The following SIPA1L2 variants were observed in gnomAD, a reference collection of about 807,000 sequenced individuals.
SIPA1L2 encodes the protein signal induced proliferation associated 1 like 2.
In SIPA1L2, 56 loss-of-function variants were observed where a neutral mutation model predicts 163.9. The observed-to-expected ratio is 0.34, with a 90% CI of 0.28 to 0.43. The LOEUF is 0.43. SIPA1L2 is among the 20% of genes least tolerant of loss of function. The pLI is 1.00. For synonymous variants in SIPA1L2, 877 were observed against 865.7 expected (o/e 1.01, Z -0.23); for missense variants, 1,974 against 2,193.5 (o/e 0.90, Z 2.00).
rs552074001 is a variant in SIPA1L2, at chr1:232,541,247, T to TATAACATAACA, written c.-269-25640_-269-25639insTGTTATGTTAT. Among the ~76,000 whole-genome samples, 310 of 144,672 alleles carry TATAACATAACA rather than the reference T, an allele frequency of 2.1e-3. 1 individual carries two copies. The highest frequency in any genetic ancestry group is 3.8e-3 in the Non-Finnish European group (256 of 66,926). 94.9% of individuals were successfully genotyped at this position (144,672 alleles called of 152,430 possible). ...ATGTATCACATCACATAACATAACA[T>TATAACATAACA]TAACATAACATAACATAACATAACA... On this transcript the variant is annotated intron_variant, in intron 2 of 22. Transcript: ENST00000674635.
intron 1 of SIPA1L2, among the ~76,000 whole-genome samples, chr1:232,597,899 G>A (rs907328233): frequency 2.0e-5 from 3 of 152,092 alleles, no homozygotes; most frequent in South Asian, 2.1e-4. Flanking sequence ...AGAACACTTC[G>A]AAAGTGAAAT....
intron 15 of SIPA1L2, among the ~76,000 whole-genome samples, chr1:232,433,914 C>A (rs1662398110): frequency 1.3e-5 from 2 of 152,254 alleles, no homozygotes; most frequent in African/African-American, 4.8e-5. Context: ...CCTCAGTTTT[C>A]TCATCTGTAA....
intron 19 of SIPA1L2, among the ~76,000 whole-genome samples, chr1:232,412,412 T>C (rs1661010448): frequency 6.6e-6 from 1 of 152,228 alleles, no homozygotes; most frequent in African/African-American, 2.4e-5. Flanking sequence ...CCTTTTGAAC[T>C]GCCTTTGTTA....
chr1:232,423,206 GGCTAGGAAAT>G (rs1661678873), intron 18 of SIPA1L2, among the ~76,000 whole-genome samples: 2 of 152,166 alleles, frequency 1.3e-5, no homozygotes, highest in African/African-American at 4.8e-5. Context: ...GTTTAAGGTA[GGCTAGGAAAT>G]GCTATGATGT....
At chr1:232,497,209 GA>G (rs1172308189) in intron 3 of SIPA1L2, among the ~76,000 whole-genome samples, 2 of 152,216 alleles carry the variant, frequency 1.3e-5, no homozygotes, top group Non-Finnish European at 2.9e-5. Flanking sequence ...AGAACGTTCT[GA>G]GGTCACAAAG....
At chr1:232,471,318 C>T (rs1389414021) in intron 8 of SIPA1L2, 53 bp downstream of exon 8, 21 of 1,541,926 alleles carry the variant, frequency 1.4e-5, no homozygotes, top group Middle Eastern at 1.8e-4. Context: ...TGGGAAAAGA[C>T]GCCCTGTTGA....
intron 1 of SIPA1L2, among the ~76,000 whole-genome samples, chr1:232,618,089 G>C (rs1173988032): frequency 2.0e-5 from 3 of 152,192 alleles, no homozygotes; most frequent in Non-Finnish European, 4.4e-5. Flanking sequence ...TTTTCTGTAA[G>C]ATTGCAAATT....
At chr1:232,577,670 CTT>C (rs1660151970) in intron 1 of SIPA1L2, among the ~76,000 whole-genome samples, 1 of 151,972 alleles carries the variant, frequency 6.6e-6, no homozygotes, top group African/African-American at 2.4e-5. Context: ...TCAAGGATGA[CTT>C]TGGGGTGGGG....
At chr1:232,414,141 C>G (rs1661113230) in intron 19 of SIPA1L2, among the ~76,000 whole-genome samples, 1 of 152,190 alleles carries the variant, frequency 6.6e-6, no homozygotes, top group Non-Finnish European at 1.5e-5. Flanking sequence ...GAAATTTCTA[C>G]AAGGACTGAG....
chr1:232,490,602 A>G (rs565909427), intron 5 of SIPA1L2: 1 of 337,748 alleles, frequency 3.0e-6, no homozygotes, highest in East Asian at 5.6e-5. Flanking sequence ...ACTTCTATTA[A>G]TCATGCAATC....
intron 3 of SIPA1L2, among the ~76,000 whole-genome samples, chr1:232,501,050 A>ATTTTTTCTTTTTTTTTT (rs1666447194): frequency 1.3e-5 from 1 of 78,450 alleles, no homozygotes; most frequent in Non-Finnish European, 2.3e-5. Flanking sequence ...GCAATGAAGT[A>ATTTTTTCTTTTTTTTTT]TTTTTTTTTT....
At chr1:232,526,957 C>G (rs1435867347) in intron 2 of SIPA1L2, among the ~76,000 whole-genome samples, 2 of 152,228 alleles carry the variant, frequency 1.3e-5, no homozygotes, top group African/African-American at 4.8e-5. Flanking sequence ...TCCCATACCG[C>G]CGTCTTCTTG....
rs536739062 is a variant in SIPA1L2, at chr1:232,421,704, G to T, written c.4630+3885C>A. Among the ~76,000 whole-genome samples the T allele has an allele frequency of 1.7e-3, 255 of 152,134 alleles. 2 individuals carry two copies. Among genetic ancestry groups the T allele is most frequent in the Admixed American group, 3.3e-3 (50 of 15,282 alleles). ...ACAAAACCACCGAGGCTACACATGT[G>T]GTCTGAAGCAACATGTGCAAGTATT... On this transcript the variant is annotated intron_variant, in intron 18 of 22. Coordinates refer to ENST00000674635, the MANE Select transcript of SIPA1L2 (RefSeq NM_020808.5).
rs538987028 is a variant in SIPA1L2 at position 232,422,232 on chromosome 1, T to C, written c.4630+3357A>G. Among the ~76,000 whole-genome samples, 14 of 152,294 alleles carry C rather than the reference T, an allele frequency of 9.2e-5. No individual in the cohort carries two copies. The South Asian group carries it at 2.3e-3, about 25-fold the overall frequency. ...TATTCTCAACTGCTGGATCAGGTGATATTTGCATACCTCCAAGTTGAAGAC... is the reference window on the plus strand; with the variant it reads ...TATTCTCAACTGCTGGATCAGGTGACATTTGCATACCTCCAAGTTGAAGAC... On this transcript the variant is annotated intron_variant, in intron 18 of 22. Coordinates refer to ENST00000674635, the MANE Select transcript of SIPA1L2 (RefSeq NM_020808.5).
At chr1:232,491,958 A>T (rs539437179) in intron 4 of SIPA1L2, among the ~76,000 whole-genome samples, 8 of 152,342 alleles carry the variant, frequency 5.3e-5, no homozygotes, top group Middle Eastern at 3.4e-3. Flanking sequence ...AAGGAAAAGG[A>T]TTTCTAATTT....
intron 1 of SIPA1L2, among the ~76,000 whole-genome samples, chr1:232,592,535 T>TA (rs1661020514): frequency 6.6e-6 from 1 of 152,170 alleles, no homozygotes; most frequent in African/African-American, 2.4e-5. Flanking sequence ...GAAAATAAAA[T>TA]AAAAAACTGA....
chr1:232,455,152 T>C (rs943124577), intron 10 of SIPA1L2, among the ~76,000 whole-genome samples: 2 of 152,220 alleles, frequency 1.3e-5, no homozygotes, highest in African/African-American at 4.8e-5. Context: ...CTCAGAATAG[T>C]GATTGTACTT....
At chr1:232,630,280 C>G (rs970038199), upstream of SIPA1L2, among the ~76,000 whole-genome samples, 2 of 151,770 alleles carry the variant, frequency 1.3e-5, no homozygotes, top group African/African-American at 4.8e-5. Flanking sequence ...ACCGTCCGCC[C>G]GGCTCCGGGC....
intron 2 of SIPA1L2, among the ~76,000 whole-genome samples, chr1:232,552,007 T>C (rs2103137389): frequency 6.6e-6 from 1 of 151,870 alleles, no homozygotes; most frequent in South Asian, 2.1e-4. Context: ...GCCTGGCTAA[T>C]TTTTGTATTT....
Sources: allele counts gnomAD v4.1 joint callset (sites outside exome capture counted in the v4.1 genomes callset), GRCh38; gene constraint gnomAD v4.1.1; transcripts MANE v1.5; gene names NCBI Gene and HGNC (gene_info 2026-07-23, HGNC 2026-07-21).